Variants in WIPI2 observed in about 807,000 individuals in gnomAD.
WIPI2 encodes the protein WD repeat domain, phosphoinositide interacting 2, also known as WD repeat domain phosphoinositide-interacting protein 2.
Under a neutral mutation model 52.3 loss-of-function variants are expected in WIPI2, and 28 were observed. The observed-to-expected ratio is 0.54, with a 90% CI of 0.40 to 0.73. The LOEUF (loss-of-function observed/expected upper bound fraction) is 0.73, where lower values mean the gene tolerates loss of function less well. Among genes scored for constraint, WIPI2 ranks in the 30% least tolerant of loss-of-function variants. WIPI2 has a pLI of 0.00. For synonymous variants in WIPI2, 268 were observed against 245.0 expected (o/e 1.09, Z -0.88); for missense variants, 506 against 602.9 (o/e 0.84, Z 1.68).
At chr7:5,223,222 C>T (rs747911560) in intron 8 of WIPI2, among the ~76,000 whole-genome samples, 2 of 152,162 alleles carry the variant, frequency 1.3e-5, no homozygotes, top group African/African-American at 2.4e-5. Flanking sequence ...GACAGTAGAG[C>T]GGGGGAGGCC....
At chr7:5,190,742 C>T (rs11772474) in intron 1 of WIPI2, 165,658 of 362,224 alleles carry the variant, frequency 0.46, 38,236 homozygotes, top group Non-Finnish European at 0.48. Flanking sequence ...CTGCTTTCAC[C>T]CTCTTGCGGG....
intron 2 of WIPI2, 171 bp downstream of exon 2, chr7:5,193,342 G>C: frequency 7.0e-7 from 1 of 1,423,736 alleles, no homozygotes; most frequent in Non-Finnish European, 9.2e-7. Context: ...ACAGCTTGTG[G>C]GAAGTTAGTG....
chr7:5,204,902 G>C lies in WIPI2; in HGVS notation c.211+5244G>C, dbSNP rs561838397. On this transcript the variant is annotated intron_variant, in intron 3 of 12. Coordinates refer to ENST00000288828, the MANE Select transcript of WIPI2 (RefSeq NM_015610.4). ...TGTTGCCAAGGCTGGTCTTGAACTCGTGGGCTCAGGCCATCTTCCTGCCTC... is the reference window on the plus strand; with the variant it reads ...TGTTGCCAAGGCTGGTCTTGAACTCCTGGGCTCAGGCCATCTTCCTGCCTC... Among the ~76,000 whole-genome samples, 10 of 152,180 alleles carry C rather than the reference G, an allele frequency of 6.6e-5. No homozygotes were observed. In the East Asian group the frequency reaches 1.9e-3, roughly 29 times the overall value.
chr7:5,226,887 C>G, intron 9 of WIPI2: 1 of 368,906 alleles, frequency 2.7e-6, no homozygotes, highest in East Asian at 5.3e-5. Flanking sequence ...AGGCCCTAGA[C>G]GTCCTCACAC....
At chr7:5,213,152 A>G (rs1782639884) in intron 3 of WIPI2, 1 of 151,624 alleles carries the variant, frequency 6.6e-6, no homozygotes, top group Non-Finnish European at 1.5e-5. Context: ...GCTGCTGAGC[A>G]GAGAAGCTGC....
intron 7 of WIPI2, 56 bp downstream of exon 7, chr7:5,218,070 C>G (rs1782914196): frequency 6.3e-7 from 1 of 1,575,496 alleles, no homozygotes; most frequent in African/African-American, 1.3e-5. Flanking sequence ...CAGACTTTTT[C>G]AGTTCTGTTC....
intron 1 of WIPI2, among the ~76,000 whole-genome samples, chr7:5,192,300 G>T (rs1781523158): frequency 6.6e-6 from 1 of 152,182 alleles, no homozygotes; most frequent in South Asian, 2.1e-4. Context: ...ACAGTATTTT[G>T]AGACCAGTAA....
Position 5,230,817 on chromosome 7 carries a change from T to A in WIPI2, c.1253-18T>A. 1 of 1,606,478 alleles carries A rather than the reference T, an allele frequency of 6.2e-7. No homozygotes were observed. Among genetic ancestry groups the A allele is most frequent in the Non-Finnish European group, 8.5e-7 (1 of 1,175,542 alleles). On this transcript the variant is annotated intron_variant, in intron 12 of 12. Coordinates refer to ENST00000288828, the MANE Select transcript of WIPI2 (RefSeq NM_015610.4). This position sits in a 1 kb window ranked among gnomAD's most constrained non-coding sequence, Gnocchi z 4.8. ...GTGTCCCCAGCCTTTGAAGGGTGAC[T>A]TCGTCGTCTCTTTGCAGCCTACACA...
intron 3 of WIPI2, among the ~76,000 whole-genome samples, chr7:5,202,930 A>G (rs989592748): frequency 2.0e-5 from 3 of 152,208 alleles, no homozygotes; most frequent in African/African-American, 4.8e-5. Flanking sequence ...GGCTTTTTTC[A>G]AAAGCTGCAC....
chr7:5,228,472 G>A (rs952255747), intron 11 of WIPI2, among the ~76,000 whole-genome samples: 11 of 152,218 alleles, frequency 7.2e-5, no homozygotes, highest in East Asian at 1.9e-4. Context: ...CAGGGGTGGC[G>A]GGAGCCGCAT....
rs1164090234 is a variant in WIPI2 at position 5,227,551 on chromosome 7, C to G, written c.1013+207C>G. On this transcript the variant is annotated intron_variant, in intron 10 of 12. Transcript: ENST00000288828. The surrounding 1 kb of genome is among the most constrained non-coding windows in gnomAD (Gnocchi z 8.1). ...GGGGGTCCATTTCCAGACGGGCTCC[C>G]GTTCTGTTTTTGTGGATAGTCTGCG... Among the ~76,000 whole-genome samples the G allele has an allele frequency of 6.6e-6, 1 of 152,180 alleles. No homozygotes were observed. The highest frequency in any genetic ancestry group is 1.5e-5 in the Non-Finnish European group (1 of 68,040).
chr7:5,223,700 C>G (rs553803839), intron 8 of WIPI2, among the ~76,000 whole-genome samples: 18 of 152,304 alleles, frequency 1.2e-4, no homozygotes, highest in Admixed American at 2.6e-4. Context: ...TGCCCGTATT[C>G]CTCCTGCCTG....
At chr7:5,226,106 T>C (rs776408619) in intron 9 of WIPI2, 176 bp downstream of exon 9, 1 of 631,626 alleles carries the variant, frequency 1.6e-6, no homozygotes, top group Non-Finnish European at 2.8e-6. Flanking sequence ...GTGAGGAGGA[T>C]GGGCCCCAGC....
At chr7:5,214,395 A>G in intron 3 of WIPI2, 140 bp from the exon 4 acceptor site, 3 of 1,606,836 alleles carry the variant, frequency 1.9e-6, no homozygotes, top group Non-Finnish European at 2.5e-6. Flanking sequence ...TCCCCACCCC[A>G]TGACCACATG....
intron 1 of WIPI2, among the ~76,000 whole-genome samples, chr7:5,192,764 T>G (rs985678465): frequency 3.9e-5 from 6 of 152,198 alleles, no homozygotes; most frequent in African/African-American, 1.4e-4. Context: ...CGGAGAGAGC[T>G]TTTATGGCTT....
At chr7:5,211,026 G>A (rs1782531782) in intron 3 of WIPI2, among the ~76,000 whole-genome samples, 2 of 152,192 alleles carry the variant, frequency 1.3e-5, no homozygotes, top group South Asian at 4.1e-4. Flanking sequence ...GGCCAACAGT[G>A]AAATCAACAA....
chr7:5,204,323 C>T (rs77211140), intron 3 of WIPI2, among the ~76,000 whole-genome samples: 4,804 of 152,132 alleles, frequency 0.032, 245 homozygotes, highest in African/African-American at 0.11. Context: ...AAAAATTAGC[C>T]GGACATGGTG....
At chr7:5,200,963 G>C (rs1394019564) in intron 3 of WIPI2, among the ~76,000 whole-genome samples, 1 of 152,208 alleles carries the variant, frequency 6.6e-6, no homozygotes, top group Non-Finnish European at 1.5e-5. Flanking sequence ...TTTGTCCTTA[G>C]ACTTGCCTGC....
In WIPI2 at chr7:5,232,488, T is replaced by TTGAAGG; in HGVS notation, c.*1545_*1546insGGTGAA. On this transcript the variant is annotated 3_prime_UTR_variant, in exon 13 of 13. Coordinates refer to ENST00000288828, the MANE Select transcript of WIPI2 (RefSeq NM_015610.4). ...TTAGGCAGAGGTGCAAGTGGGCTGA[T>TTGAAGG]TGAACTTTTCCTTCAAAACCTGCTT... The TTGAAGG allele has an allele frequency of 2.5e-6, 1 of 397,078 alleles. No individual in the cohort carries two copies. The highest frequency in any genetic ancestry group is 4.4e-6 in the Non-Finnish European group (1 of 225,588). 24.6% of individuals were successfully genotyped at this position (397,078 alleles called of 1,614,324 possible). A position where few individuals can be genotyped will look rare whatever the true frequency, so the allele number is the denominator to read the frequency against.
Sources: allele counts gnomAD v4.1 joint callset (sites outside exome capture counted in the v4.1 genomes callset), GRCh38; gene constraint gnomAD v4.1.1; non-coding constraint Gnocchi (gnomAD v3.1); transcripts MANE v1.5; gene names NCBI Gene and HGNC (gene_info 2026-07-23, HGNC 2026-07-21).